Variants in BEGAIN observed in about 807,000 individuals in gnomAD.
The protein encoded by BEGAIN is brain-enriched guanylate kinase-associated protein.
BEGAIN carries 19 observed loss-of-function variants against 35.8 expected under a neutral mutation model. The ratio of observed to expected loss-of-function variants is 0.53; its 90% CI spans 0.37 to 0.78. BEGAIN has a LOEUF of 0.78. BEGAIN is among the 30% of genes least tolerant of loss of function. BEGAIN has a pLI of 0.00. For synonymous variants in BEGAIN, 462 were observed against 388.6 expected, an observed-to-expected ratio of 1.19 and a Z score of -2.22; for missense variants, 795 against 853.6, an observed-to-expected ratio of 0.93 and a Z score of 0.85.
At chr14:100,572,720 T>C (rs566899931) in intron 1 of BEGAIN, among the ~76,000 whole-genome samples, 15 of 152,280 alleles carry the variant, frequency 9.9e-5, no homozygotes, top group African/African-American at 3.4e-4. Context: ...GAAGGAAAGA[T>C]GGAAAATCCT....
intron 1 of BEGAIN, among the ~76,000 whole-genome samples, chr14:100,572,916 G>A (rs925913538): frequency 2.0e-5 from 3 of 151,972 alleles, no homozygotes; most frequent in African/African-American, 7.3e-5. Context: ...CTGTTCTGGG[G>A]GATTCAGCAC....
chr14:100,578,907 G>T (rs552665793), intron 1 of BEGAIN, among the ~76,000 whole-genome samples: 10 of 147,208 alleles, frequency 6.8e-5, no homozygotes, highest in Admixed American at 2.8e-4. Context: ...TGTTGCCCAG[G>T]CTGGATTACA....
chr14:100,537,258 C>T lies in BEGAIN; in HGVS notation c.*711G>A, dbSNP rs1161496722. The T allele has an allele frequency of 2.0e-5, 3 of 152,732 alleles. No homozygotes were observed. Among genetic ancestry groups the T allele is most frequent in the African/African-American group, 7.2e-5 (3 of 41,468 alleles). The allele number at this position is 152,732 out of a possible 1,614,324, so 9.5% of individuals were successfully genotyped here. A position where few individuals can be genotyped will look rare whatever the true frequency, so the allele number is the denominator to read the frequency against. On this transcript the variant is annotated 3_prime_UTR_variant, in exon 7 of 7. Coordinates refer to ENST00000554140, the MANE Select transcript of BEGAIN (RefSeq NM_001385089.1). ...TACAGAAACCAGGAATGGAGGGCCT[C>T]CTCATGTCTGAGGTAGAGTAAGACG... is the stretch of plus-strand genomic sequence containing the variant.
intron 1 of BEGAIN, chr14:100,577,924 C>T (rs2035237379): frequency 1.0e-5 from 4 of 399,050 alleles, no homozygotes; most frequent in Admixed American, 4.4e-5. Context: ...GTTAGAGCCC[C>T]GTGCCTGGGA....
chr14:100,544,759 TCTTA>T (rs1249074567), intron 4 of BEGAIN, among the ~76,000 whole-genome samples: 1 of 151,880 alleles, frequency 6.6e-6, no homozygotes, highest in Non-Finnish European at 1.5e-5. Context: ...CCACAGCCCC[TCTTA>T]CACACCCCCA....
chr14:100,551,760 G>A (rs949715542), intron 2 of BEGAIN, among the ~76,000 whole-genome samples: 3 of 152,106 alleles, frequency 2.0e-5, no homozygotes, highest in Non-Finnish European at 4.4e-5. Context: ...GGGCAGCAGA[G>A]GTCAGGAAAA....
At chr14:100,546,749 A>C in intron 2 of BEGAIN, 87 bp from the exon 3 acceptor site, 10 of 1,289,048 alleles carry the variant, frequency 7.8e-6, no homozygotes, top group African/African-American at 3.2e-5. Context: ...GTGCCGCACT[A>C]ACACGCGAGT....
intron 1 of BEGAIN, among the ~76,000 whole-genome samples, chr14:100,585,689 C>A (rs1013826515): frequency 6.6e-6 from 1 of 152,010 alleles, no homozygotes; most frequent in African/African-American, 2.4e-5. Flanking sequence ...CAGGCCTGGG[C>A]TCTGACAGGT....
At chr14:100,554,363 C>T (rs1044663012) in intron 2 of BEGAIN, among the ~76,000 whole-genome samples, 7 of 152,196 alleles carry the variant, frequency 4.6e-5, no homozygotes, top group East Asian at 3.9e-4. Flanking sequence ...GATCCCGCCA[C>T]GCCCTGGGCA....
chr14:100,584,857 A>C (rs2035398924), intron 1 of BEGAIN, among the ~76,000 whole-genome samples: 1 of 152,014 alleles, frequency 6.6e-6, no homozygotes, highest in Non-Finnish European at 1.5e-5. Flanking sequence ...GTCAGAAGAG[A>C]ACCATGCGGG....
chr14:100,538,191 G>A lies in BEGAIN; in HGVS notation c.1617C>T (p.Asp539=), dbSNP rs757465916. 5 of 1,547,182 alleles carry A rather than the reference G, an allele frequency of 3.2e-6. No homozygotes were observed. The highest frequency in any genetic ancestry group is 1.2e-5 in the South Asian group (1 of 83,834). ...LPGYAPSEGG[D]GDRLGVQLCG... ...ACAGCTGCACCCCGAGCCTGTCCCC[G>A]TCCCCCCCCTCGCTGGGTGCATAGC... Residue 539 remains aspartate (D), a synonymous_variant, in exon 7 of 7, where the codon GAC becomes GAT. Transcript: ENST00000554140.
At chr14:100,566,752 G>A (rs8006256) in intron 2 of BEGAIN, among the ~76,000 whole-genome samples, 1,810 of 152,324 alleles carry the variant, frequency 0.012, 36 homozygotes, top group African/African-American at 0.041. Context: ...TCAGAGACTG[G>A]ACCCCTCCTC....
intron 1 of BEGAIN, among the ~76,000 whole-genome samples, chr14:100,579,201 T>G (rs2035266889): frequency 6.6e-6 from 1 of 152,204 alleles, no homozygotes; most frequent in Non-Finnish European, 1.5e-5. Context: ...AAATAACCTC[T>G]TGTCTTTAAG....
At position 100,568,532 on chromosome 14, in the gene BEGAIN, C is replaced by T. The variant is rs1443987705; in HGVS notation, c.43-593G>A. ...ATTCTGGGGTTTTGGGCCTGGCTTG[C>T]CCCTCCCGGGCCCCAGGGATTAACC... On this transcript the variant is annotated intron_variant, in intron 1 of 6. Transcript: ENST00000554140. This position sits in a 1 kb window ranked among gnomAD's most constrained non-coding sequence, Gnocchi z 7.5. The T allele has an allele frequency of 8.6e-6, 11 of 1,285,044 alleles. No homozygotes were observed. The highest frequency in any genetic ancestry group is 1.1e-5 in the Non-Finnish European group (11 of 986,704). The allele number at this position is 1,285,044 out of a possible 1,614,324, so 79.6% of individuals were successfully genotyped here.
rs1415151295 is a variant in BEGAIN, at chr14:100,537,893, G to A, written c.*76C>T. The A allele has an allele frequency of 6.7e-7, 1 of 1,502,558 alleles. No individual in the cohort carries two copies. Among genetic ancestry groups the A allele is most frequent in the Non-Finnish European group, 8.9e-7 (1 of 1,124,548 alleles). 93.1% of individuals were successfully genotyped at this position (1,502,558 alleles called of 1,614,324 possible). On this transcript the variant is annotated 3_prime_UTR_variant, in exon 7 of 7. Coordinates refer to ENST00000554140, the MANE Select transcript of BEGAIN (RefSeq NM_001385089.1). ...GGGGCAGGGGAACAGCGGGGGCTGG[G>A]GAGAGGTGAGGCCGGCCCTTCTGGG... is the stretch of plus-strand genomic sequence containing the variant.
At chr14:100,539,821 G>A (rs978306403) in intron 6 of BEGAIN, among the ~76,000 whole-genome samples, 1 of 152,194 alleles carries the variant, frequency 6.6e-6, no homozygotes, top group African/African-American at 2.4e-5. Flanking sequence ...AAGATTGAGG[G>A]CCAGGGCTGA....
At chr14:100,579,498 G>A (rs2035273431) in intron 1 of BEGAIN, among the ~76,000 whole-genome samples, 2 of 152,226 alleles carry the variant, frequency 1.3e-5, no homozygotes, top group Non-Finnish European at 1.5e-5. Context: ...CTGAAGGAAG[G>A]CTTTCCAGGG....
chr14:100,545,702 T>G (rs1016308561), intron 3 of BEGAIN, among the ~76,000 whole-genome samples: 2 of 152,112 alleles, frequency 1.3e-5, no homozygotes, highest in Non-Finnish European at 2.9e-5. Flanking sequence ...CTTAAAGCAG[T>G]AACTGGCAGG....
In BEGAIN at chr14:100,539,013, G is replaced by A. The variant is rs765397106; in HGVS notation, c.795C>T (p.Ser265=). The change falls in exon 7 of 7, where the codon AGC becomes AGT. Residue 265 remains serine, a synonymous_variant. Transcript: ENST00000554140. ...PEERRRDRRP[S]VDAPVTDVGF... is the part of the protein sequence containing the mutation. ...CCACGTCGGTCACGGGCGCGTCCACGCTAGGCCGCCGGTCTCGCCGCCGCT... is the reference window on the plus strand; with the variant it reads ...CCACGTCGGTCACGGGCGCGTCCACACTAGGCCGCCGGTCTCGCCGCCGCT... The A allele has an allele frequency of 6.1e-5, 99 of 1,610,728 alleles. No individual in the cohort carries two copies. Among genetic ancestry groups the A allele is most frequent in the Non-Finnish European group, 7.8e-5 (92 of 1,179,138 alleles).
Sources: gnomAD v4.1 joint callset for allele counts (sites outside exome capture counted in the v4.1 genomes callset) on GRCh38, gnomAD v4.1.1 for gene constraint, Gnocchi (gnomAD v3.1) non-coding constraint, MANE v1.5 for transcripts, NCBI Gene and HGNC (gene_info 2026-07-23, HGNC 2026-07-21) for gene names.